Variants in MSI2 observed in about 807,000 individuals in gnomAD.
MSI2 encodes the protein musashi RNA binding protein 2, also known as RNA-binding protein Musashi homolog 2.
MSI2 carries 17 observed loss-of-function variants against 45.6 expected under a neutral mutation model. The ratio of observed to expected loss-of-function variants is 0.37; its 90% CI spans 0.26 to 0.56. The LOEUF is 0.56. Ranked by LOEUF, MSI2 falls within the 20% of genes least tolerant of loss-of-function variation. MSI2 has a pLI of 0.77. For missense variants in MSI2, 293 were observed against 444.2 expected (o/e 0.66, Z 3.06); for synonymous variants, 156 against 158.2 (o/e 0.99, Z 0.11).
intron 7 of MSI2, among the ~76,000 whole-genome samples, chr17:57,536,399 A>G (rs1033109471): frequency 6.6e-6 from 1 of 152,224 alleles, no homozygotes; most frequent in South Asian, 2.1e-4. Flanking sequence ...TATGATAAGG[A>G]TGTGTAGAAT....
At chr17:57,476,357 G>A (rs2085537636) in intron 6 of MSI2, among the ~76,000 whole-genome samples, 2 of 152,214 alleles carry the variant, frequency 1.3e-5, no homozygotes, top group African/African-American at 4.8e-5. Context: ...GGTTGGGGGT[G>A]AGCAGAATGG....
chr17:57,310,352 G>C (rs529788488), intron 5 of MSI2, among the ~76,000 whole-genome samples: 1 of 147,228 alleles, frequency 6.8e-6, no homozygotes, highest in Non-Finnish European at 1.5e-5. Context: ...TTTTTTTTCC[G>C]AGTTGGAATC....
intron 5 of MSI2, among the ~76,000 whole-genome samples, chr17:57,377,200 G>A (rs1182704508): frequency 2.0e-5 from 3 of 152,182 alleles, no homozygotes; most frequent in African/African-American, 4.8e-5. Context: ...GACCACAGGC[G>A]TGAGCCACCG....
chr17:57,682,524 T>C lies in MSI2; in HGVS notation c.*3007T>C. 1 of 208,352 alleles carries C rather than the reference T, an allele frequency of 4.8e-6. No homozygotes were observed. The allele number at this position is 208,352 out of a possible 1,614,324, so 12.9% of individuals were successfully genotyped here. On this transcript the variant is annotated 3_prime_UTR_variant, in exon 14 of 14. Coordinates refer to ENST00000284073, the MANE Select transcript of MSI2 (RefSeq NM_138962.4). Reference sequence around the variant, plus strand: ...AATATGTTTTAGATGTTTATATACCTTTTGAAGAGACCCAGTAGCCCATAG... The same window carrying C: ...AATATGTTTTAGATGTTTATATACCCTTTGAAGAGACCCAGTAGCCCATAG...
chr17:57,327,713 C>T (rs924923892), intron 5 of MSI2, among the ~76,000 whole-genome samples: 27 of 152,182 alleles, frequency 1.8e-4, no homozygotes, highest in African/African-American at 6.5e-4. Context: ...GTCGCAAAAA[C>T]CAAGCCACTA....
chr17:57,453,977 C>T (rs1488707955), intron 6 of MSI2, among the ~76,000 whole-genome samples: 1 of 152,200 alleles, frequency 6.6e-6, no homozygotes, highest in Admixed American at 6.5e-5. Flanking sequence ...GAGTACCTCT[C>T]TGGGAAGAAA....
chr17:57,494,067 T>C (rs1191904286), intron 6 of MSI2, among the ~76,000 whole-genome samples: 3 of 152,166 alleles, frequency 2.0e-5, no homozygotes, highest in African/African-American at 4.8e-5. Context: ...ACTGGCACTT[T>C]TGTATTCACA....
intron 5 of MSI2, among the ~76,000 whole-genome samples, chr17:57,283,257 G>A (rs954178598): frequency 6.6e-6 from 1 of 152,070 alleles, no homozygotes; most frequent in Admixed American, 6.6e-5. Flanking sequence ...AAAGTCTCTG[G>A]AGTGAGTGCT....
At chr17:57,435,919 T>C (rs973233797) in intron 6 of MSI2, among the ~76,000 whole-genome samples, 3 of 152,204 alleles carry the variant, frequency 2.0e-5, no homozygotes, top group Non-Finnish European at 2.9e-5. Flanking sequence ...TTTGCTCTAC[T>C]ATACACATGG....
chr17:57,387,875 G>A (rs2083712428), intron 5 of MSI2, among the ~76,000 whole-genome samples: 3 of 152,196 alleles, frequency 2.0e-5, no homozygotes, highest in Admixed American at 6.5e-5. Context: ...GCCTGTCATT[G>A]CAGTCCATTC....
Position 57,632,508 on chromosome 17 carries a change from C to G in MSI2, c.727+5205C>G, listed in dbSNP as rs1054252915. 13 of 1,066,784 alleles carry G rather than the reference C, an allele frequency of 1.2e-5. No homozygotes were observed. In the South Asian group the frequency reaches 5.9e-4, roughly 48 times the overall value. 66.1% of individuals were successfully genotyped at this position (1,066,784 alleles called of 1,614,324 possible). A position where few individuals can be genotyped will look rare whatever the true frequency, so the allele number is the denominator to read the frequency against. On this transcript the variant is annotated intron_variant, in intron 10 of 13. Transcript: ENST00000284073. ...GGTGGGCACCGATCCACAGTGGGCC[C>G]CGCCTTCCCCAGCTCGCCTCCCTGC...
intron 6 of MSI2, among the ~76,000 whole-genome samples, chr17:57,471,712 C>T (rs1002330439): frequency 6.6e-5 from 10 of 152,084 alleles, no homozygotes; most frequent in South Asian, 2.1e-4. Flanking sequence ...GCCCCCACCC[C>T]GCCTGCGTGC....
At chr17:57,685,782 G>T (rs1288546647), downstream of MSI2, among the ~76,000 whole-genome samples, 7 of 152,180 alleles carry the variant, frequency 4.6e-5, no homozygotes, top group Admixed American at 4.6e-4. Context: ...AATCCCTGCT[G>T]CCCCACAGAA....
intron 6 of MSI2, among the ~76,000 whole-genome samples, chr17:57,410,848 T>C (rs2084183113): frequency 6.6e-6 from 1 of 152,296 alleles, no homozygotes; most frequent in African/African-American, 2.4e-5. Flanking sequence ...GAGTATGGAA[T>C]GATCAGAGAC....
intron 9 of MSI2, chr17:57,626,448 G>A (rs1308111721): frequency 6.6e-6 from 1 of 152,172 alleles, no homozygotes; most frequent in African/African-American, 2.4e-5. Context: ...CCAGCCCCTG[G>A]ACTTGCCAGC....
At chr17:57,589,082 A>G (rs1438361183) in intron 7 of MSI2, among the ~76,000 whole-genome samples, 1 of 152,144 alleles carries the variant, frequency 6.6e-6, no homozygotes, top group African/African-American at 2.4e-5. Context: ...GCGAGTTGTA[A>G]TGGAAGGAAT....
intron 5 of MSI2, among the ~76,000 whole-genome samples, chr17:57,350,222 A>G (rs1915906122): frequency 1.2e-5 from 1 of 86,538 alleles, no homozygotes; most frequent in Non-Finnish European, 2.2e-5. Flanking sequence ...TGCCAGAGGT[A>G]GGGGTGTGTG....
At chr17:57,444,994 G>T (rs2084869682) in intron 6 of MSI2, among the ~76,000 whole-genome samples, 1 of 152,124 alleles carries the variant, frequency 6.6e-6, no homozygotes, top group Non-Finnish European at 1.5e-5. Context: ...TCCTCACAAT[G>T]CTGAATTTTT....
chr17:57,587,711 T>C (rs1904433169), intron 7 of MSI2, among the ~76,000 whole-genome samples: 1 of 152,016 alleles, frequency 6.6e-6, no homozygotes, highest in Non-Finnish European at 1.5e-5. Context: ...CCACTTGTAA[T>C]TCCCCACAGC....
Sources: gnomAD v4.1 joint callset for allele counts (sites outside exome capture counted in the v4.1 genomes callset) on GRCh38, gnomAD v4.1.1 for gene constraint, MANE v1.5 for transcripts, NCBI Gene and HGNC (gene_info 2026-07-23, HGNC 2026-07-21) for gene names.